The following EPM2A variants were observed in gnomAD, a reference collection of about 807,000 sequenced individuals.
The protein encoded by EPM2A is laforin.
EPM2A carries 21 observed loss-of-function variants against 26.5 expected under a neutral mutation model. The observed-to-expected ratio is 0.79, with a 90% CI of 0.56 to 1.14. The LOEUF is 1.14. Ranked by LOEUF, EPM2A falls within the 50% of genes most tolerant of loss-of-function variation. EPM2A has a pLI of 0.00. For missense variants in EPM2A, 458 were observed against 440.8 expected, an observed-to-expected ratio of 1.04 and a Z score of -0.35; for synonymous variants, 217 against 177.6, an observed-to-expected ratio of 1.22 and a Z score of -1.76.
At chr6:145,702,717 T>C (rs1297798749) in intron 1 of EPM2A, among the ~76,000 whole-genome samples, 1 of 152,202 alleles carries the variant, frequency 6.6e-6, no homozygotes, top group Non-Finnish European at 1.5e-5. Flanking sequence ...AATAACCTTG[T>C]TCAGACCTAT....
At chr6:145,567,110 C>T (rs1274972051) in intron 2 of EPM2A, among the ~76,000 whole-genome samples, 3 of 152,194 alleles carry the variant, frequency 2.0e-5, no homozygotes, top group Admixed American at 2.0e-4. Flanking sequence ...AGCAGGAAGA[C>T]CCTCAGCAGT....
chr6:145,439,868 C>T, intron 4 of EPM2A, among the ~76,000 whole-genome samples: 1 of 152,154 alleles, frequency 6.6e-6, no homozygotes, highest in Middle Eastern at 3.2e-3. Flanking sequence ...TTGCTTCTGG[C>T]ATTTTTATCA....
At chr6:145,488,494 G>GC (rs1779706477) in intron 4 of EPM2A, among the ~76,000 whole-genome samples, 1 of 87,430 alleles carries the variant, frequency 1.1e-5, no homozygotes, top group Non-Finnish European at 2.5e-5. Flanking sequence ...AATTTGTGTG[G>GC]TTGTGTGTGT....
intron 2 of EPM2A, among the ~76,000 whole-genome samples, chr6:145,592,175 G>C (rs914424827): frequency 1.0e-5 from 1 of 95,966 alleles, no homozygotes; most frequent in African/African-American, 4.4e-5. Context: ...CCCACCCCAT[G>C]ACAGGCCCAG....
At chr6:145,398,223 T>A (rs1462189285) in intron 4 of EPM2A, among the ~76,000 whole-genome samples, 3 of 152,158 alleles carry the variant, frequency 2.0e-5, no homozygotes, top group Admixed American at 1.3e-4. Context: ...CTGACAGGAT[T>A]TATGGACTTT....
At chr6:145,424,392 C>T (rs975364238) in intron 4 of EPM2A, among the ~76,000 whole-genome samples, 1 of 152,054 alleles carries the variant, frequency 6.6e-6, no homozygotes, top group African/African-American at 2.4e-5. Flanking sequence ...ATTTATTTTG[C>T]CCTAATATCT....
At chr6:145,657,396 A>G (rs1039295279) in intron 2 of EPM2A, among the ~76,000 whole-genome samples, 1 of 151,990 alleles carries the variant, frequency 6.6e-6, no homozygotes, top group Non-Finnish European at 1.5e-5. Flanking sequence ...GCCTTTTCCT[A>G]TTTTTTATTT....
chr6:145,627,151 C>T lies in EPM2A; in HGVS notation c.*265G>A. 1.5e-6 allele frequency: 2 copies of T among 1,369,962 alleles called. No individual in the cohort carries two copies. Among genetic ancestry groups the T allele is most frequent in the Non-Finnish European group, 1.9e-6 (2 of 1,059,356 alleles). The allele number at this position is 1,369,962 out of a possible 1,614,324, so 84.9% of individuals were successfully genotyped here. A position where few individuals can be genotyped will look rare whatever the true frequency, so the allele number is the denominator to read the frequency against. ...GTCTGCCTGCAGGCAGCAGGAACTGCACGCATTACCCTTCTGTCTGATGTA... is the reference window on the plus strand; with the variant it reads ...GTCTGCCTGCAGGCAGCAGGAACTGTACGCATTACCCTTCTGTCTGATGTA... On this transcript the variant is annotated 3_prime_UTR_variant, in exon 4 of 4. Coordinates refer to ENST00000367519, the MANE Select transcript of EPM2A (RefSeq NM_005670.4).
At chr6:145,406,974 G>C (rs1311413703) in intron 4 of EPM2A, among the ~76,000 whole-genome samples, 1 of 152,150 alleles carries the variant, frequency 6.6e-6, no homozygotes, top group Non-Finnish European at 1.5e-5. Context: ...AAATAGTGGA[G>C]ATTAGGCTGT....
intron 2 of EPM2A, among the ~76,000 whole-genome samples, chr6:145,578,783 G>A (rs1002564698): frequency 6.6e-6 from 1 of 152,032 alleles, no homozygotes; most frequent in Non-Finnish European, 1.5e-5. Flanking sequence ...ACTCCATGAA[G>A]TCATCCCTAC....
chr6:145,713,554 T>A (rs1775455613), intron 1 of EPM2A, among the ~76,000 whole-genome samples: 1 of 152,124 alleles, frequency 6.6e-6, no homozygotes, highest in South Asian at 2.1e-4. Flanking sequence ...TTTCACACCC[T>A]CTACAATGGC....
At position 145,684,022 on chromosome 6, in the gene EPM2A, TAA is replaced by T. The variant is rs552487820; in HGVS notation, c.476+2098_476+2099del. On this transcript the variant is annotated intron_variant, in intron 2 of 3. Coordinates refer to ENST00000367519, the MANE Select transcript of EPM2A (RefSeq NM_005670.4). ...ATAGTTCCAGTAAGAGAAGAGAACT[TAA>T]AAATAACTCTCATTAGTATTCTAAG... Among the ~76,000 whole-genome samples the T allele has an allele frequency of 1.4e-4, 21 of 152,156 alleles. No individual in the cohort carries two copies. The South Asian group carries it at 4.4e-3, about 32-fold the overall frequency.
chr6:145,679,726 T>C (rs1341516353), intron 2 of EPM2A, among the ~76,000 whole-genome samples: 2 of 152,112 alleles, frequency 1.3e-5, no homozygotes, highest in South Asian at 2.1e-4. Flanking sequence ...GGCTTCTTCG[T>C]TTACGGAAGT....
intron 4 of EPM2A, among the ~76,000 whole-genome samples, chr6:145,435,442 A>G (rs1181374992): frequency 6.7e-6 from 1 of 149,648 alleles, no homozygotes; most frequent in Non-Finnish European, 1.5e-5. Context: ...TGTTTTATAG[A>G]AGTATTTAAC....
At position 145,635,454 on chromosome 6, in the gene EPM2A, G is replaced by T. The variant is rs1474027593; in HGVS notation, c.509C>A (p.Pro170His). 1 of 1,613,824 alleles carries T rather than the reference G, an allele frequency of 6.2e-7. No individual in the cohort carries two copies. The change falls in exon 3 of 4, where the codon CCT becomes CAT. Residue 170 changes from proline (P) to histidine (H), a missense_variant. Physicochemically the swap from Pro to His is moderately conservative, Grantham distance 77. Transcript: ENST00000367519. Reference protein sequence around the residue: ...ILPNIWLGSCPRQVEHVTIKL... With the variant: ...ILPNIWLGSCHRQVEHVTIKL... ...GATGGTTACATGTTCCACCTGACGA[G>T]GGCAGCTACCCAGCCAGATATTTGG...
intron 1 of EPM2A, among the ~76,000 whole-genome samples, chr6:145,710,515 T>C (rs956175519): frequency 1.3e-5 from 2 of 152,182 alleles, no homozygotes; most frequent in African/African-American, 4.8e-5. Context: ...ACTTTTACAC[T>C]GTTGGTGGGA....
At chr6:145,693,735 C>A (rs1365341015) in intron 1 of EPM2A, among the ~76,000 whole-genome samples, 1 of 151,900 alleles carries the variant, frequency 6.6e-6, no homozygotes, top group Non-Finnish European at 1.5e-5. Context: ...ACATATAAAT[C>A]GCTCACTATG....
intron 2 of EPM2A, among the ~76,000 whole-genome samples, chr6:145,668,462 T>C (rs554026958): frequency 5.3e-5 from 8 of 152,346 alleles, no homozygotes; most frequent in African/African-American, 1.9e-4. Context: ...TTATATGGAA[T>C]ATATAAGCTT....
intron 2 of EPM2A, among the ~76,000 whole-genome samples, chr6:145,516,134 C>T (rs564521635): frequency 6.6e-6 from 1 of 152,082 alleles, no homozygotes; most frequent in Non-Finnish European, 1.5e-5. Flanking sequence ...TTATTGCCAC[C>T]ATGAAAGACT....
Sources: gnomAD v4.1 joint callset for allele counts (sites outside exome capture counted in the v4.1 genomes callset) on GRCh38, gnomAD v4.1.1 for gene constraint, MANE v1.5 for transcripts, NCBI Gene and HGNC (gene_info 2026-07-23, HGNC 2026-07-21) for gene names.